The following BCAS3 variants were observed in gnomAD, a reference collection of about 807,000 sequenced individuals.
BCAS3 encodes BCAS4/BCAS3 fusion.
Under a neutral mutation model 116.1 loss-of-function variants are expected in BCAS3, and 53 were observed. The ratio of observed to expected loss-of-function variants is 0.46; its 90% confidence interval spans 0.37 to 0.57. The LOEUF (loss-of-function observed/expected upper bound fraction) is 0.57, where lower values mean the gene tolerates loss of function less well. Among genes scored for constraint, BCAS3 ranks in the 20% least tolerant of loss-of-function variants. The pLI, the probability that BCAS3 is intolerant of heterozygous loss-of-function variation, is 0.00. For synonymous variants in BCAS3, 391 were observed against 408.2 expected, an observed-to-expected ratio of 0.96 and a Z score of 0.51; for missense variants, 917 against 1,165.4, an observed-to-expected ratio of 0.79 and a Z score of 3.10.
rs543895788 is a variant in BCAS3 at position 60,964,232 on chromosome 17, G to GT, written c.1221+16887dup. Among the ~76,000 whole-genome samples, 17 of 152,100 alleles carry GT rather than the reference G, an allele frequency of 1.1e-4. No individual in the cohort carries two copies. Among genetic ancestry groups the GT allele is most frequent in the East Asian group, 7.7e-4 (4 of 5,176 alleles). ...GTTTCTATACCCATTTTGATTAGGG[G>GT]TTTTTTTATATCATAAAGGATGTTG... On this transcript the variant is annotated intron_variant, in intron 14 of 23. Coordinates refer to ENST00000407086, the MANE Select transcript of BCAS3 (RefSeq NM_017679.5). This position sits in a 1 kb window ranked among gnomAD's most constrained non-coding sequence, Gnocchi z 4.6.
At chr17:61,133,164 A>G (rs1178622505) in intron 22 of BCAS3, among the ~76,000 whole-genome samples, 1 of 152,216 alleles carries the variant, frequency 6.6e-6, no homozygotes, top group Non-Finnish European at 1.5e-5. Flanking sequence ...GAACAACAAC[A>G]AATGAGTTGA....
chr17:61,291,044 C>A (rs951033950), intron 22 of BCAS3, among the ~76,000 whole-genome samples: 3 of 151,984 alleles, frequency 2.0e-5, no homozygotes, highest in Non-Finnish European at 1.5e-5. Context: ...CCTCCCAAAG[C>A]GCTGGGATTA....
At position 61,235,054 on chromosome 17, in the gene BCAS3, A is replaced by ATT. The variant is rs2082928572; in HGVS notation, c.2426-133273_2426-133272insTT. On this transcript the variant is annotated intron_variant, in intron 22 of 23. Transcript: ENST00000407086. The surrounding 1 kb of genome is among the most constrained non-coding windows in gnomAD (Gnocchi z 5.0). ...AGGCGCACGCCACCACTCCTGGCTAAGTTTTGTATTTTAGTAGAGACAGGG... is the reference window on the plus strand; with the variant it reads ...AGGCGCACGCCACCACTCCTGGCTAATTGTTTTGTATTTTAGTAGAGACAGGG... 6.6e-6 allele frequency among the ~76,000 whole-genome samples: 1 copy of ATT among 151,984 alleles called. No homozygotes were observed. The highest frequency in any genetic ancestry group is 2.4e-5 in the African/African-American group (1 of 41,388).
chr17:61,042,891 C>CCAAAAAAAAAAAAAAAAA (rs1555682922), intron 19 of BCAS3, among the ~76,000 whole-genome samples: 1 of 58,318 alleles, frequency 1.7e-5, no homozygotes, highest in African/African-American at 5.5e-5. Flanking sequence ...CTCCATCTCA[C>CCAAAAAAAAAAAAAAAAA]AAAAAAAAAA....
chr17:60,870,152 C>T (rs896399417), intron 8 of BCAS3, among the ~76,000 whole-genome samples: 4 of 152,146 alleles, frequency 2.6e-5, no homozygotes, highest in South Asian at 2.1e-4. Flanking sequence ...AGAAACCGTA[C>T]GTATCAATAA....
Position 61,323,269 on chromosome 17 carries a change from A to AAG in BCAS3, c.2426-45058_2426-45057insAG, listed in dbSNP as rs2055460284. On this transcript the variant is annotated intron_variant, in intron 22 of 23. Coordinates refer to ENST00000407086, the MANE Select transcript of BCAS3 (RefSeq NM_017679.5). This position sits in a 1 kb window ranked among gnomAD's most constrained non-coding sequence, Gnocchi z 4.6. ...CTTCCCCAGGGGGAAGGACTCATTT[A>AAG]TAACCCGTTCTGATTATTCTTCTCC... Among the ~76,000 whole-genome samples, 1 of 152,162 alleles carries AAG rather than the reference A, an allele frequency of 6.6e-6. No individual in the cohort carries two copies. The highest frequency in any genetic ancestry group is 2.4e-5 in the African/African-American group (1 of 41,456).
intron 6 of BCAS3, among the ~76,000 whole-genome samples, chr17:60,759,647 T>TTTTTTTTTTTTTTTTTTTTTTTTTTA (rs1568185917): frequency 6.8e-6 from 1 of 147,544 alleles, no homozygotes. Flanking sequence ...TTTTTTTTTT[T>TTTTTTTTTTTTTTTTTTTTTTTTTTA]ACTGTTTTTG....
intron 22 of BCAS3, among the ~76,000 whole-genome samples, chr17:61,085,329 T>C (rs1162126315): frequency 6.6e-6 from 1 of 152,206 alleles, no homozygotes; most frequent in Non-Finnish European, 1.5e-5. Flanking sequence ...AGTAGAATTA[T>C]TAAATACTCG....
chr17:61,106,059 T>G lies in BCAS3; in HGVS notation c.2425+21495T>G, dbSNP rs2074627759. On this transcript the variant is annotated intron_variant, in intron 22 of 23. Transcript: ENST00000407086. The surrounding 1 kb of genome is among the most constrained non-coding windows in gnomAD (Gnocchi z 4.2). ...AGCCGTCTTGGTTGCAGTATTACAG[T>G]GCTTGTATTCAGGTAACCTTTATTT... Among the ~76,000 whole-genome samples, 1 of 152,234 alleles carries G rather than the reference T, an allele frequency of 6.6e-6. No individual in the cohort carries two copies. Among genetic ancestry groups the G allele is most frequent in the Non-Finnish European group, 1.5e-5 (1 of 68,040 alleles).
rs558028248 is a variant in BCAS3 at position 61,198,522 on chromosome 17, G to C, written c.2425+113958G>C. On this transcript the variant is annotated intron_variant, in intron 22 of 23. Transcript: ENST00000407086. The surrounding 1 kb of genome is among the most constrained non-coding windows in gnomAD (Gnocchi z 5.0). ...CAACAATTTTATACTAAAACTTTTG[G>C]GGGGAAGGGCCATTACCTTAATTTA... is the stretch of plus-strand genomic sequence containing the variant. Among the ~76,000 whole-genome samples the C allele has an allele frequency of 6.6e-6, 1 of 152,012 alleles. No homozygotes were observed. Among genetic ancestry groups the C allele is most frequent in the Non-Finnish European group, 1.5e-5 (1 of 67,996 alleles).
In BCAS3 at chr17:61,249,574, A is replaced by T. The variant is rs183271325; in HGVS notation, c.2426-118753A>T. On this transcript the variant is annotated intron_variant, in intron 22 of 23. Transcript: ENST00000407086. The surrounding 1 kb of genome is among the most constrained non-coding windows in gnomAD (Gnocchi z 6.2). Reference sequence around the variant, plus strand: ...CATAGAATTGTGTCTCTGGCTGAAGAAATAGTTTGTTTTAGGAACGCCAAT... The same window carrying T: ...CATAGAATTGTGTCTCTGGCTGAAGTAATAGTTTGTTTTAGGAACGCCAAT... Among the ~76,000 whole-genome samples the T allele has an allele frequency of 2.0e-5, 3 of 152,312 alleles. No homozygotes were observed. The highest frequency in any genetic ancestry group is 1.3e-4 in the Admixed American group (2 of 15,304).
chr17:61,017,821 C>G lies in BCAS3; in HGVS notation c.1637+1920C>G, dbSNP rs2145542115. ...TTTCTTTCTCTCTCTCTCCCTCTTA[C>G]AACCCGATTTCTCTCTACACTGAGA... is the stretch of plus-strand genomic sequence containing the variant. On this transcript the variant is annotated intron_variant, in intron 16 of 23. Transcript: ENST00000407086. The surrounding 1 kb of genome is among the most constrained non-coding windows in gnomAD (Gnocchi z 4.7). Among the ~76,000 whole-genome samples the G allele has an allele frequency of 6.6e-6, 1 of 152,202 alleles. No homozygotes were observed. The highest frequency in any genetic ancestry group is 2.1e-4 in the South Asian group (1 of 4,822).
intron 22 of BCAS3, among the ~76,000 whole-genome samples, chr17:61,195,765 C>T (rs903326442): frequency 6.6e-6 from 1 of 152,194 alleles, no homozygotes; most frequent in African/African-American, 2.4e-5. Flanking sequence ...TCACCTCAGC[C>T]TCCCAAGTAG....
At chr17:60,976,473 G>T (rs1300181485) in intron 14 of BCAS3, among the ~76,000 whole-genome samples, 4 of 151,026 alleles carry the variant, frequency 2.6e-5, no homozygotes, top group Non-Finnish European at 4.4e-5. Flanking sequence ...ATCATTCTTG[G>T]GTGTTTCTCG....
chr17:61,369,457 TC>T (rs1173616485), intron 23 of BCAS3, among the ~76,000 whole-genome samples: 2 of 152,172 alleles, frequency 1.3e-5, no homozygotes, highest in African/African-American at 4.8e-5. Flanking sequence ...CAGGCGCTGA[TC>T]AGGACCAGCA....
intron 6 of BCAS3, among the ~76,000 whole-genome samples, chr17:60,763,438 C>T (rs1474490615): frequency 1.3e-5 from 2 of 152,132 alleles, no homozygotes; most frequent in African/African-American, 2.4e-5. Context: ...GCCTTTTCTG[C>T]ATCTATTGAG....
intron 22 of BCAS3, among the ~76,000 whole-genome samples, chr17:61,111,202 G>T: frequency 6.6e-6 from 1 of 152,036 alleles, no homozygotes; most frequent in Admixed American, 6.6e-5. Context: ...AAGGAACGCA[G>T]TTCCTCACCA....
chr17:61,249,496 T>C lies in BCAS3; in HGVS notation c.2426-118831T>C, dbSNP rs1460981092. The stretch of plus-strand genomic sequence containing the variant: ...TGAAACACACCCAAAACTATATTGC[T>C]AAAATCTGAAGGAGAGAGATCTCAA... On this transcript the variant is annotated intron_variant, in intron 22 of 23. Coordinates refer to ENST00000407086, the MANE Select transcript of BCAS3 (RefSeq NM_017679.5). This position sits in a 1 kb window ranked among gnomAD's most constrained non-coding sequence, Gnocchi z 6.2. Among the ~76,000 whole-genome samples, 1 of 152,150 alleles carries C rather than the reference T, an allele frequency of 6.6e-6. No homozygotes were observed. Among genetic ancestry groups the C allele is most frequent in the Non-Finnish European group, 1.5e-5 (1 of 68,038 alleles).
At chr17:60,750,230 T>A (rs926007234) in intron 6 of BCAS3, among the ~76,000 whole-genome samples, 2 of 152,038 alleles carry the variant, frequency 1.3e-5, no homozygotes, top group South Asian at 4.1e-4. Flanking sequence ...AAAACCTGTA[T>A]GATCATCTCA....
Sources: allele counts gnomAD v4.1 joint callset (sites outside exome capture counted in the v4.1 genomes callset), GRCh38; gene constraint gnomAD v4.1.1; non-coding constraint Gnocchi (gnomAD v3.1); transcripts MANE v1.5; gene names NCBI Gene and HGNC (gene_info 2026-07-23, HGNC 2026-07-21).